Variants in HECW2 observed in about 807,000 individuals in gnomAD.
HECW2 encodes the protein E3 ubiquitin-protein ligase HECW2.
HECW2 carries 61 observed loss-of-function variants against 175.2 expected under a neutral mutation model. The observed-to-expected ratio is 0.35, with a 90% CI of 0.28 to 0.43. The LOEUF (loss-of-function observed/expected upper bound fraction) is 0.43, where lower values mean the gene tolerates loss of function less well. HECW2 is among the 20% of genes least tolerant of loss of function. The probability of loss-of-function intolerance (pLI) is 1.00; values close to 1 mark genes in which losing one functional copy is unlikely to be tolerated. For synonymous variants in HECW2, 671 were observed against 731.0 expected, an observed-to-expected ratio of 0.92 and a Z score of 1.32; for missense variants, 1,524 against 2,000.5, an observed-to-expected ratio of 0.76 and a Z score of 4.54.
intron 6 of HECW2, among the ~76,000 whole-genome samples, chr2:196,323,258 C>T (rs562835655): frequency 8.5e-5 from 13 of 152,178 alleles, no homozygotes; most frequent in Admixed American, 8.5e-4. Flanking sequence ...TTTAAGAATG[C>T]CACTGGGGAA....
intron 13 of HECW2, among the ~76,000 whole-genome samples, chr2:196,302,814 C>T (rs113512721): frequency 0.023 from 3,447 of 152,290 alleles, 138 homozygotes; most frequent in African/African-American, 0.078. Flanking sequence ...ATCTTTTGGG[C>T]TGAGAGGACT....
At chr2:196,293,153 C>T (rs759398697) in intron 13 of HECW2, among the ~76,000 whole-genome samples, 9 of 152,170 alleles carry the variant, frequency 5.9e-5, no homozygotes, top group African/African-American at 2.2e-4. Flanking sequence ...CTCCCTCCCC[C>T]AGTCCTACTC....
chr2:196,429,234 T>G (rs1237505990), intron 2 of HECW2, among the ~76,000 whole-genome samples: 1 of 137,088 alleles, frequency 7.3e-6, no homozygotes, highest in Non-Finnish European at 1.6e-5. Context: ...AGACCTTTCC[T>G]GAGCCTGGGG....
At chr2:196,311,569 G>A (rs1365821239) in intron 10 of HECW2, among the ~76,000 whole-genome samples, 1 of 152,154 alleles carries the variant, frequency 6.6e-6, no homozygotes, top group South Asian at 2.1e-4. Flanking sequence ...GGGCAAGGCG[G>A]GCAGATCACC....
intron 3 of HECW2, among the ~76,000 whole-genome samples, chr2:196,340,995 C>G (rs1325666679): frequency 6.6e-6 from 1 of 151,900 alleles, no homozygotes; most frequent in Non-Finnish European, 1.5e-5. Context: ...AAGCCCATTT[C>G]TATTAAATAC....
At chr2:196,278,008 T>G (rs1471471519) in intron 15 of HECW2, among the ~76,000 whole-genome samples, 1 of 142,274 alleles carries the variant, frequency 7.0e-6, no homozygotes, top group Non-Finnish European at 1.5e-5. Flanking sequence ...GGGATAGCAT[T>G]AGGAGATATA....
intron 21 of HECW2, among the ~76,000 whole-genome samples, chr2:196,235,648 CTTTTTTTTTTT>C (rs757874073): frequency 2.5e-5 from 2 of 78,898 alleles, no homozygotes; most frequent in East Asian, 5.0e-4. Flanking sequence ...ATGCATTATT[CTTTTTTTTTTT>C]TTTTTTTTTT....
chr2:196,391,281 C>T (rs1694501668), intron 2 of HECW2, among the ~76,000 whole-genome samples: 2 of 152,074 alleles, frequency 1.3e-5, no homozygotes, highest in Admixed American at 6.6e-5. Context: ...GTAACAGTAC[C>T]CTGCCCCACT....
chr2:196,249,521 T>C (rs1325530624), intron 19 of HECW2, among the ~76,000 whole-genome samples: 1 of 152,214 alleles, frequency 6.6e-6, no homozygotes, highest in African/African-American at 2.4e-5. Flanking sequence ...TAAAATTTAT[T>C]ACTGTCATAA....
chr2:196,490,770 G>A (rs1456402511), intron 1 of HECW2, among the ~76,000 whole-genome samples: 2 of 152,130 alleles, frequency 1.3e-5, no homozygotes, highest in Non-Finnish European at 2.9e-5. Context: ...ATACTATTCA[G>A]CCATATAAAG....
intron 1 of HECW2, among the ~76,000 whole-genome samples, chr2:196,481,933 T>A (rs1686855857): frequency 6.6e-6 from 1 of 152,198 alleles, no homozygotes; most frequent in African/African-American, 2.4e-5. Context: ...AAGAACTACC[T>A]GCACAATGTC....
Position 196,322,176 on chromosome 2 carries a change from G to A in HECW2, c.884+302C>T, listed in dbSNP as rs372336767. Among the ~76,000 whole-genome samples, 9 of 152,068 alleles carry A rather than the reference G, an allele frequency of 5.9e-5. No individual in the cohort carries two copies. In the East Asian group the frequency reaches 9.6e-4, roughly 16 times the overall value. On this transcript the variant is annotated intron_variant, in intron 7 of 28. Coordinates refer to ENST00000644978, the MANE Select transcript of HECW2 (RefSeq NM_001348768.2). ...ACCTGATCCAAGAATTCTGCCCCAG[G>A]GAGAAGTTTTTATAAAAAGCTCCAA...
chr2:196,360,774 T>C (rs144682635), intron 2 of HECW2, among the ~76,000 whole-genome samples: 16 of 152,348 alleles, frequency 1.1e-4, no homozygotes, highest in African/African-American at 3.8e-4. Context: ...ATGAAGTGAC[T>C]GCTCTCTGTG....
In HECW2 at chr2:196,195,105, T is replaced by C. The variant is rs951387350; in HGVS notation, c.*6172A>G. The C allele has an allele frequency of 3.3e-5, 5 of 152,214 alleles. No homozygotes were observed. Among genetic ancestry groups the C allele is most frequent in the East Asian group, 3.8e-4 (2 of 5,206 alleles). The allele number at this position is 152,214 out of a possible 1,614,324, so 9.4% of individuals were successfully genotyped here. ...GCCCCAAATTTTACTTATGCTATCA[T>C]ATAAAGAAAAATAGGTTGTAATTTT... On this transcript the variant is annotated 3_prime_UTR_variant, in exon 29 of 29. Transcript: ENST00000644978.
chr2:196,235,129 G>A (rs550860021), intron 21 of HECW2, among the ~76,000 whole-genome samples: 17 of 140,450 alleles, frequency 1.2e-4, no homozygotes, highest in East Asian at 6.1e-4. Context: ...ACCCAGTCTC[G>A]CTCTGTCGCC....
At chr2:196,567,432 C>T (rs576477751) in intron 1 of HECW2, among the ~76,000 whole-genome samples, 2 of 152,188 alleles carry the variant, frequency 1.3e-5, no homozygotes, top group South Asian at 2.1e-4. Flanking sequence ...AAATATGAAG[C>T]GTTGGTTTGG....
At chr2:196,554,920 G>T (rs1389708843) in intron 1 of HECW2, among the ~76,000 whole-genome samples, 5 of 152,096 alleles carry the variant, frequency 3.3e-5, no homozygotes, top group Non-Finnish European at 7.3e-5. Flanking sequence ...AAAAATCCCT[G>T]CACGGGACAA....
chr2:196,220,223 G>A (rs1286712961), intron 25 of HECW2, 70 bp from the exon 26 acceptor site: 2 of 999,608 alleles, frequency 2.0e-6, no homozygotes, highest in Non-Finnish European at 3.2e-6. Flanking sequence ...TTAAGCCTTA[G>A]AAAAGGGGAC....
chr2:196,242,079 C>T lies in HECW2; in HGVS notation c.3650+5G>A, dbSNP rs1688478066. The stretch of plus-strand genomic sequence containing the variant: ...CATTATGTGGTTTGTGTCACTTTGA[C>T]TTACTTTAACTTCCCTGGGCCTTGT... On this transcript the variant is annotated splice_donor_5th_base_variant and intron_variant, in intron 20 of 28. Transcript: ENST00000644978. The T allele has an allele frequency of 6.2e-7, 1 of 1,613,816 alleles. No homozygotes were observed. The highest frequency in any genetic ancestry group is 8.5e-7 in the Non-Finnish European group (1 of 1,179,812).
Sources: gnomAD v4.1 joint callset for allele counts (sites outside exome capture counted in the v4.1 genomes callset) on GRCh38, gnomAD v4.1.1 for gene constraint, MANE v1.5 for transcripts, NCBI Gene and HGNC (gene_info 2026-07-23, HGNC 2026-07-21) for gene names.